Variants in DOCK1 observed in about 807,000 individuals in gnomAD.
DOCK1 encodes dedicator of cytokinesis 1.
In DOCK1, 138 loss-of-function variants were observed where a neutral mutation model predicts 262.7. That is an observed-to-expected ratio of 0.53 (90% CI 0.46 to 0.61). The LOEUF is 0.61. Ranked by LOEUF, DOCK1 falls within the 20% of genes least tolerant of loss-of-function variation. DOCK1 has a pLI of 0.00. For synonymous variants in DOCK1, 866 were observed against 867.4 expected, an observed-to-expected ratio of 1.00 and a Z score of 0.03; for missense variants, 1,908 against 2,370.7, an observed-to-expected ratio of 0.80 and a Z score of 4.05.
chr10:127,008,945 C>A lies in DOCK1; in HGVS notation c.1058+141C>A, dbSNP rs549959502. 1.6e-4 allele frequency: 135 copies of A among 837,666 alleles called. 1 individual carries two copies. In the South Asian group the frequency reaches 2.5e-3, roughly 15 times the overall value. 51.9% of individuals were successfully genotyped at this position (837,666 alleles called of 1,614,324 possible). On this transcript the variant is annotated intron_variant, in intron 11 of 51. Coordinates refer to ENST00000623213, the MANE Select transcript of DOCK1 (RefSeq NM_001290223.2). ...TTATGAAAAACCTCTTTAGTCACTG[C>A]TGTAGTACATGGAATTTTTTGTAGC...
chr10:127,062,710 T>A (rs2045612983), intron 23 of DOCK1, among the ~76,000 whole-genome samples: 1 of 152,268 alleles, frequency 6.6e-6, no homozygotes, highest in Admixed American at 6.5e-5. Flanking sequence ...CTTTGCTGTT[T>A]GGCAAGACAG....
chr10:127,065,624 A>G (rs1447245778), intron 23 of DOCK1, among the ~76,000 whole-genome samples: 1 of 151,922 alleles, frequency 6.6e-6, no homozygotes, highest in Non-Finnish European at 1.5e-5. Context: ...CCAGCACCCC[A>G]CCATGCTACC....
chr10:126,915,169 G>T (rs1253833355), intron 1 of DOCK1, among the ~76,000 whole-genome samples: 1 of 152,146 alleles, frequency 6.6e-6, no homozygotes. Context: ...TTACCAGGAA[G>T]AATGTTAGTC....
intron 29 of DOCK1, among the ~76,000 whole-genome samples, chr10:127,268,718 G>C (rs1164503969): frequency 6.6e-6 from 1 of 152,008 alleles, no homozygotes; most frequent in Non-Finnish European, 1.5e-5. Flanking sequence ...AATTGGAGGT[G>C]GTTTCCCCAA....
At chr10:127,140,198 A>G (rs2051089865) in intron 27 of DOCK1, among the ~76,000 whole-genome samples, 2 of 152,178 alleles carry the variant, frequency 1.3e-5, no homozygotes, top group South Asian at 2.1e-4. Flanking sequence ...CCATTAAGCA[A>G]CTACACTGGG....
Position 126,908,256 on chromosome 10 carries a change from C to T in DOCK1, c.46+2693C>T, listed in dbSNP as rs1012423227. Among the ~76,000 whole-genome samples the T allele has an allele frequency of 6.6e-5, 10 of 152,288 alleles. No homozygotes were observed. The South Asian group carries it at 8.3e-4, about 13-fold the overall frequency. On this transcript the variant is annotated intron_variant, in intron 1 of 51. Transcript: ENST00000623213. The stretch of plus-strand genomic sequence containing the variant: ...ATGCTGACTGGGAAGGATGTAGGTG[C>T]TGGGATGTAGGGATTTATTGCCAGT...
intron 27 of DOCK1, among the ~76,000 whole-genome samples, chr10:127,213,737 T>C (rs943778641): frequency 2.6e-5 from 4 of 152,240 alleles, no homozygotes; most frequent in African/African-American, 9.6e-5. Context: ...AAACACACTT[T>C]GGGAAATGAC....
At chr10:127,124,138 A>C (rs1175098801) in intron 25 of DOCK1, among the ~76,000 whole-genome samples, 1 of 152,206 alleles carries the variant, frequency 6.6e-6, no homozygotes, top group Non-Finnish European at 1.5e-5. Context: ...CCAGTCCTTC[A>C]TTACAGTGTA....
At chr10:127,391,896 G>A (rs963809266) in intron 38 of DOCK1, among the ~76,000 whole-genome samples, 5 of 151,890 alleles carry the variant, frequency 3.3e-5, no homozygotes, top group Non-Finnish European at 7.4e-5. Context: ...GGATCACAGC[G>A]TGAACTGCTT....
At chr10:126,949,980 A>G (rs1196407092) in intron 1 of DOCK1, among the ~76,000 whole-genome samples, 1 of 151,296 alleles carries the variant, frequency 6.6e-6, no homozygotes, top group East Asian at 1.9e-4. Flanking sequence ...CAGAAACATT[A>G]GCCCCCCAAA....
chr10:127,234,807 A>G (rs1252595413), intron 27 of DOCK1, among the ~76,000 whole-genome samples: 1 of 151,644 alleles, frequency 6.6e-6, no homozygotes, highest in Non-Finnish European at 1.5e-5. Flanking sequence ...GTTTCTATAT[A>G]AGTGTAAGAG....
At chr10:127,159,185 C>T (rs181215403) in intron 27 of DOCK1, among the ~76,000 whole-genome samples, 14 of 152,286 alleles carry the variant, frequency 9.2e-5, no homozygotes, top group Admixed American at 9.2e-4. Flanking sequence ...TTTGTGGAGT[C>T]CAGTTTTTGA....
chr10:126,997,847 A>G, intron 7 of DOCK1: 1 of 490,708 alleles, frequency 2.0e-6, no homozygotes, highest in Non-Finnish European at 3.7e-6. Flanking sequence ...TATTGGATGG[A>G]CACCTGAAAG....
intron 27 of DOCK1, among the ~76,000 whole-genome samples, chr10:127,219,898 C>T (rs1257847631): frequency 6.6e-6 from 1 of 152,136 alleles, no homozygotes; most frequent in Non-Finnish European, 1.5e-5. Flanking sequence ...CAGAATGTCT[C>T]TTAGTGTTGA....
At chr10:127,276,186 C>T (rs1230069013) in intron 29 of DOCK1, among the ~76,000 whole-genome samples, 2 of 152,174 alleles carry the variant, frequency 1.3e-5, no homozygotes, top group South Asian at 2.1e-4. Flanking sequence ...CACATGCTTG[C>T]GTCATGGCTG....
At chr10:127,326,101 G>C (rs2062737429) in intron 29 of DOCK1, among the ~76,000 whole-genome samples, 1 of 152,226 alleles carries the variant, frequency 6.6e-6, no homozygotes. Flanking sequence ...TCTTTCTGCT[G>C]ATAGAGAGTC....
intron 27 of DOCK1, among the ~76,000 whole-genome samples, chr10:127,146,615 A>G (rs907422237): frequency 1.2e-4 from 18 of 152,080 alleles, no homozygotes; most frequent in African/African-American, 3.9e-4. Context: ...TCATCTTCCT[A>G]CCCTGTCACT....
rs1030091664 is a variant in DOCK1 at position 126,965,270 on chromosome 10, G to A, written c.47-5432G>A. Among the ~76,000 whole-genome samples, 28 of 152,294 alleles carry A rather than the reference G, an allele frequency of 1.8e-4. No individual in the cohort carries two copies. In the Middle Eastern group the frequency reaches 0.01, roughly 56 times the overall value. On this transcript the variant is annotated intron_variant, in intron 1 of 51. Transcript: ENST00000623213. ...GGCCTTGTAGACAAGTGGGGCAGTC[G>A]GAGGCGGAGGGAGGAAGGATTTTCA...
At chr10:127,376,425 G>A (rs2065492753) in intron 35 of DOCK1, among the ~76,000 whole-genome samples, 1 of 152,190 alleles carries the variant, frequency 6.6e-6, no homozygotes, top group African/African-American at 2.4e-5. Flanking sequence ...TCTGGGCTGT[G>A]GCTGTGTTTG....
Sources: gnomAD v4.1 joint callset for allele counts (sites outside exome capture counted in the v4.1 genomes callset) on GRCh38, gnomAD v4.1.1 for gene constraint, MANE v1.5 for transcripts, NCBI Gene and HGNC (gene_info 2026-07-23, HGNC 2026-07-21) for gene names.